The following RXRG variants were observed in gnomAD, a reference collection of about 807,000 sequenced individuals.
RXRG encodes the protein retinoic acid receptor RXR-gamma.
A neutral mutation model predicts 49.2 loss-of-function variants in RXRG; 19 were observed. The observed-to-expected ratio is 0.39, with a 90% CI of 0.27 to 0.57. RXRG has a LOEUF of 0.57. RXRG is among the 20% of genes least tolerant of loss of function. The pLI is 0.64. For synonymous variants in RXRG, 224 were observed against 216.6 expected, an observed-to-expected ratio of 1.03 and a Z score of -0.30; for missense variants, 452 against 592.5, an observed-to-expected ratio of 0.76 and a Z score of 2.46.
chr1:165,421,179 G>A (rs146094983), intron 2 of RXRG, among the ~76,000 whole-genome samples: 5 of 152,262 alleles, frequency 3.3e-5, no homozygotes, highest in Admixed American at 6.5e-5. Flanking sequence ...TTTATTGAGC[G>A]CAGGAGGCAA....
chr1:165,437,060 TCTCCTTTGCTC>T, intron 1 of RXRG: 1 of 1,304,246 alleles, frequency 7.7e-7, no homozygotes, highest in Non-Finnish European at 1.0e-6. Flanking sequence ...TGACTCAAAA[TCTCCTTTGCTC>T]CTCCTTTTCA....
At chr1:165,440,305 G>A (rs1421832294) in intron 1 of RXRG, among the ~76,000 whole-genome samples, 3 of 152,118 alleles carry the variant, frequency 2.0e-5, no homozygotes, top group Admixed American at 6.6e-5. Context: ...TATAATGGGG[G>A]TAATAAAACT....
chr1:165,412,773 C>T (rs1242170815), intron 4 of RXRG, among the ~76,000 whole-genome samples: 1 of 152,210 alleles, frequency 6.6e-6, no homozygotes, highest in East Asian at 1.9e-4. Context: ...TTTTCTTCCT[C>T]CTTCTGTCTC....
chr1:165,418,130 A>AAAAAG (rs1658190687), intron 3 of RXRG, among the ~76,000 whole-genome samples: 1 of 151,276 alleles, frequency 6.6e-6, no homozygotes, highest in Non-Finnish European at 1.5e-5. Flanking sequence ...AAAAAAAAAA[A>AAAAAG]AAAAAAAGAA....
chr1:165,425,120 A>C, intron 2 of RXRG: 1 of 169,376 alleles, frequency 5.9e-6, no homozygotes, highest in Non-Finnish European at 1.2e-5. Context: ...GTACAGACAT[A>C]TGGTCCAGGA....
At position 165,401,083 on chromosome 1, in the gene RXRG, C is replaced by T; in HGVS notation, c.*180G>A. The T allele has an allele frequency of 5.0e-6, 3 of 597,894 alleles. No homozygotes were observed. Among genetic ancestry groups the T allele is most frequent in the Non-Finnish European group, 2.9e-6 (1 of 344,196 alleles). The allele number at this position is 597,894 out of a possible 1,614,324, so 37.0% of individuals were successfully genotyped here. ...AGACAGCAAAGCGTATTACCTTTAACATCTATACAAAAGTCCACCTATAAA... is the reference window on the plus strand; with the variant it reads ...AGACAGCAAAGCGTATTACCTTTAATATCTATACAAAAGTCCACCTATAAA... On this transcript the variant is annotated 3_prime_UTR_variant, in exon 10 of 10. Coordinates refer to ENST00000359842, the MANE Select transcript of RXRG (RefSeq NM_006917.5).
Position 165,401,390 on chromosome 1 carries a change from C to T in RXRG, c.1265G>A (p.Arg422His), listed in dbSNP as rs748834240. 1.1e-5 allele frequency: 17 copies of T among 1,613,934 alleles called. No individual in the cohort carries two copies. Among genetic ancestry groups the T allele is most frequent in the African/African-American group, 1.3e-5 (1 of 74,928 alleles). The change falls in exon 10 of 10, where the codon CGC becomes CAC. Residue 422 changes from arginine to histidine, a missense_variant. Around this residue, in one of 2 missense-constraint regions of RXRG, gnomAD observed 286 missense variants for 440.9 expected, o/e 0.65. Coordinates refer to ENST00000359842, the MANE Select transcript of RXRG (RefSeq NM_006917.5). ...QPGRFAKLLL[R>H]LPALRSIGLK... ...GCCAATGGAACGCAGAGCTGGGAGG[C>T]GCAGCAGCAGCTTGGCAAACCTGCA...
At chr1:165,404,338 G>A (rs1657676323) in intron 9 of RXRG, among the ~76,000 whole-genome samples, 1 of 152,190 alleles carries the variant, frequency 6.6e-6, no homozygotes, top group Non-Finnish European at 1.5e-5. Context: ...CCCTAGTCCT[G>A]GCAACAAGTG....
chr1:165,420,088 C>A, intron 2 of RXRG, 74 bp from the exon 3 acceptor site: 2 of 1,209,150 alleles, frequency 1.7e-6, no homozygotes, highest in Non-Finnish European at 2.2e-6. Flanking sequence ...GCAATGAGGG[C>A]TTACTCAAGA....
intron 4 of RXRG, among the ~76,000 whole-genome samples, chr1:165,412,446 A>T (rs1038997977): frequency 6.6e-6 from 1 of 152,000 alleles, no homozygotes; most frequent in Non-Finnish European, 1.5e-5. Context: ...AGGGGAAAAA[A>T]CCTGTGCCTT....
At chr1:165,425,901 C>T (rs903483391) in intron 2 of RXRG, among the ~76,000 whole-genome samples, 2 of 152,238 alleles carry the variant, frequency 1.3e-5, no homozygotes, top group African/African-American at 4.8e-5. Flanking sequence ...TAATCCTTGG[C>T]TGCCAACAGG....
intron 1 of RXRG, chr1:165,436,857 T>A: frequency 5.0e-6 from 5 of 1,000,848 alleles, no homozygotes; most frequent in East Asian, 8.9e-5. Context: ...ACAGCAAGAG[T>A]TTCAAGGTTA....
chr1:165,425,060 A>G (rs992876240), intron 2 of RXRG: 1 of 524,054 alleles, frequency 1.9e-6, no homozygotes, highest in Non-Finnish European at 2.4e-6. Flanking sequence ...CACACAGCCC[A>G]GTTGGCCAGG....
At chr1:165,415,263 T>A (rs1365958115) in intron 4 of RXRG, among the ~76,000 whole-genome samples, 1 of 152,214 alleles carries the variant, frequency 6.6e-6, no homozygotes, top group Non-Finnish European at 1.5e-5. Context: ...GGTGCATCTC[T>A]GGTATAGTTG....
At chr1:165,411,818 A>C (rs2651860) in intron 4 of RXRG, among the ~76,000 whole-genome samples, 26,435 of 152,108 alleles carry the variant, frequency 0.17, 2,447 homozygotes, top group Non-Finnish European at 0.2. Context: ...AGAACCCTCC[A>C]TGTCTATACA....
chr1:165,409,769 A>G, intron 6 of RXRG, 79 bp from the exon 7 acceptor site: 2 of 1,243,376 alleles, frequency 1.6e-6, no homozygotes, highest in Non-Finnish European at 2.1e-6. Flanking sequence ...GGCATGTACT[A>G]TTATCCCACA....
intron 9 of RXRG, among the ~76,000 whole-genome samples, chr1:165,406,174 A>ACTGCTAGGTGGCCTCAGAGAT (rs1657741622): frequency 6.7e-6 from 1 of 150,226 alleles, no homozygotes; most frequent in Non-Finnish European, 1.5e-5. Context: ...AAATACCTAT[A>ACTGCTAGGTGGCCTCAGAGAT]CTGCTAGATG....
intron 9 of RXRG, among the ~76,000 whole-genome samples, chr1:165,402,900 A>G (rs1023659597): frequency 1.3e-5 from 2 of 151,936 alleles, no homozygotes; most frequent in African/African-American, 4.8e-5. Flanking sequence ...ATTCTCACAT[A>G]TCTCATGCCT....
chr1:165,403,279 T>G (rs1392828975), intron 9 of RXRG, among the ~76,000 whole-genome samples: 1 of 152,208 alleles, frequency 6.6e-6, no homozygotes, highest in Non-Finnish European at 1.5e-5. Context: ...GTCACTCTAC[T>G]CACAACTTCC....
Sources: gnomAD v4.1 joint callset for allele counts (sites outside exome capture counted in the v4.1 genomes callset) on GRCh38, gnomAD v4.1.1 for gene constraint, gnomAD v4.1.1 regional missense constraint, MANE v1.5 for transcripts, NCBI Gene and HGNC (gene_info 2026-07-23, HGNC 2026-07-21) for gene names.